The following TENM2 variants were observed in gnomAD, a reference collection of about 807,000 sequenced individuals.
TENM2 encodes the protein teneurin-2.
In TENM2, 52 loss-of-function variants were observed where a neutral mutation model predicts 245.2. That is an observed-to-expected ratio of 0.21 (90% CI 0.17 to 0.27). TENM2 has a LOEUF of 0.27. Ranked by LOEUF, TENM2 falls within the 10% of genes least tolerant of loss-of-function variation. TENM2 has a pLI of 1.00. For missense variants in TENM2, 3,046 were observed against 3,666.8 expected, an observed-to-expected ratio of 0.83 and a Z score of 4.37; for synonymous variants, 1,363 against 1,438.9, an observed-to-expected ratio of 0.95 and a Z score of 1.19.
At chr5:167,458,020 A>G (rs1018442676) in intron 2 of TENM2, among the ~76,000 whole-genome samples, 5 of 152,150 alleles carry the variant, frequency 3.3e-5, no homozygotes, top group Admixed American at 1.3e-4. Context: ...CATTTTACTA[A>G]TTGTCTTAGA....
intron 15 of TENM2, among the ~76,000 whole-genome samples, chr5:168,195,724 G>GT (rs563959186): frequency 1.7e-3 from 260 of 152,046 alleles, no homozygotes; most frequent in Non-Finnish European, 2.7e-3. Flanking sequence ...ATAGTGTCCT[G>GT]TGGTGATCCC....
chr5:167,043,249 G>C, the TENM2 span, among the ~76,000 whole-genome samples: 1 of 152,194 alleles, frequency 6.6e-6, no homozygotes, highest in African/African-American at 2.4e-5. Flanking sequence ...CAAAATGATT[G>C]AAAAGATAGC....
At chr5:167,668,046 G>A (rs1031776747) in intron 2 of TENM2, among the ~76,000 whole-genome samples, 2 of 152,090 alleles carry the variant, frequency 1.3e-5, no homozygotes, top group African/African-American at 2.4e-5. Context: ...GGCCCTTGAT[G>A]GCACAATTCT....
chr5:167,724,431 G>C (rs1437417927), intron 2 of TENM2, among the ~76,000 whole-genome samples: 1 of 151,806 alleles, frequency 6.6e-6, no homozygotes, highest in African/African-American at 2.4e-5. Flanking sequence ...ATATTTCATT[G>C]AGCACTTACT....
intron 2 of TENM2, 74 bp from the exon 5 acceptor site, chr5:167,875,912 T>C (rs1347319775): frequency 1.0e-5 from 10 of 970,292 alleles, no homozygotes; most frequent in Non-Finnish European, 1.6e-5. Context: ...TGTGAGCTGG[T>C]TTCAATGTAA....
chr5:167,472,855 C>A (rs1282306580), intron 2 of TENM2, among the ~76,000 whole-genome samples: 1 of 152,192 alleles, frequency 6.6e-6, no homozygotes, highest in East Asian at 1.9e-4. Flanking sequence ...TCATACACTT[C>A]AGGAAGCCAA....
chr5:167,609,519 C>CAAAAAAAAAAAAAAAAAAAT (rs1171421408), intron 2 of TENM2, among the ~76,000 whole-genome samples: 5 of 128,982 alleles, frequency 3.9e-5, no homozygotes, highest in African/African-American at 1.5e-4. Flanking sequence ...AAAACAAAAC[C>CAAAAAAAAAAAAAAAAAAAT]TTACCTAGAA....
chr5:167,785,746 A>G (rs1178491080), intron 2 of TENM2, among the ~76,000 whole-genome samples: 1 of 152,218 alleles, frequency 6.6e-6, no homozygotes, highest in Non-Finnish European at 1.5e-5. Context: ...GGCAAATCAG[A>G]GGTAGAATGT....
At chr5:167,071,921 T>C in the TENM2 span, among the ~76,000 whole-genome samples, 1 of 117,918 alleles carries the variant, frequency 8.5e-6, no homozygotes, top group Non-Finnish European at 1.6e-5. Context: ...AAAATCAGGA[T>C]GCTAGCACTC....
intron 1 of TENM2, among the ~76,000 whole-genome samples, chr5:167,357,107 G>A (rs907945780): frequency 6.6e-6 from 1 of 151,834 alleles, no homozygotes; most frequent in Non-Finnish European, 1.5e-5. Flanking sequence ...CCAATATTTT[G>A]AGGAAAAAGG....
At chr5:168,254,638 G>C (rs1312963253) in intron 27 of TENM2, among the ~76,000 whole-genome samples, 1 of 152,168 alleles carries the variant, frequency 6.6e-6, no homozygotes, top group Non-Finnish European at 1.5e-5. Flanking sequence ...TGAAATTCCT[G>C]GTCACAGAGG....
At chr5:167,939,931 TAGTC>T (rs879873869) in intron 3 of TENM2, among the ~76,000 whole-genome samples, 5 of 152,176 alleles carry the variant, frequency 3.3e-5, no homozygotes, top group Non-Finnish European at 5.9e-5. Context: ...GAGATCCTGT[TAGTC>T]AGAGTTTGGA....
rs1271372244 is a variant in TENM2, at chr5:167,590,220, TCAG to T, written c.502+214748_502+214750del. Among the ~76,000 whole-genome samples, 14 of 152,118 alleles carry T rather than the reference TCAG, an allele frequency of 9.2e-5. No homozygotes were observed. The East Asian group carries it at 2.3e-3, about 25-fold the overall frequency. On this transcript the variant is annotated intron_variant, in intron 2 of 28. Transcript: ENST00000518659. ...GTGTTTTTTGTTTTTCATATGAAAATCAGTTTTGTTTTCATATGAAGATATTTC... is the reference window on the plus strand; with the variant it reads ...GTGTTTTTTGTTTTTCATATGAAAATTTTTGTTTTCATATGAAGATATTTC...
intron 3 of TENM2, among the ~76,000 whole-genome samples, chr5:167,884,349 C>A (rs1583277828): frequency 6.6e-6 from 1 of 152,098 alleles, no homozygotes; most frequent in African/African-American, 2.4e-5. Context: ...CACCACCATC[C>A]ACCTCTAAAA....
At chr5:168,142,501 T>C (rs553394493) in intron 12 of TENM2, among the ~76,000 whole-genome samples, 1 of 152,332 alleles carries the variant, frequency 6.6e-6, no homozygotes, top group East Asian at 1.9e-4. Context: ...TAGGAGACAT[T>C]AAAATGTTGC....
chr5:168,222,345 G>C (rs150770614), intron 23 of TENM2, among the ~76,000 whole-genome samples: 1 of 152,320 alleles, frequency 6.6e-6, no homozygotes, highest in Non-Finnish European at 1.5e-5. Flanking sequence ...CCCTTAAAAA[G>C]AGGCCCTCCA....
intron 2 of TENM2, among the ~76,000 whole-genome samples, chr5:167,743,474 C>A (rs1369085276): frequency 2.0e-5 from 3 of 152,072 alleles, no homozygotes; most frequent in Non-Finnish European, 4.4e-5. Context: ...TTCGAACCGA[C>A]AAAAAGGCTT....
At chr5:168,259,830 A>T (rs576888687) in intron 27 of TENM2, among the ~76,000 whole-genome samples, 2 of 152,370 alleles carry the variant, frequency 1.3e-5, no homozygotes, top group African/African-American at 4.8e-5. Flanking sequence ...CACTTGCTAA[A>T]TAAAGGAGTT....
At chr5:167,760,053 G>A (rs1489103195) in intron 2 of TENM2, among the ~76,000 whole-genome samples, 1 of 152,128 alleles carries the variant, frequency 6.6e-6, no homozygotes, top group African/African-American at 2.4e-5. Flanking sequence ...TACATCTCTG[G>A]GTAGTCACTG....
Sources: allele counts gnomAD v4.1 joint callset (sites outside exome capture counted in the v4.1 genomes callset), GRCh38; gene constraint gnomAD v4.1.1; transcripts MANE v1.5; gene names NCBI Gene and HGNC (gene_info 2026-07-23, HGNC 2026-07-21).